The following PIGZ variants were observed in gnomAD, a reference collection of about 807,000 sequenced individuals.
The protein encoded by PIGZ is phosphatidylinositol glycan anchor biosynthesis class Z (Gwada blood group).
A neutral mutation model predicts 16.4 loss-of-function variants in PIGZ; 16 were observed. The ratio of observed to expected loss-of-function variants is 0.97; its 90% CI spans 0.66 to 1.48. The LOEUF (loss-of-function observed/expected upper bound fraction) is 1.48, where lower values mean the gene tolerates loss of function less well. Ranked by LOEUF, PIGZ falls within the 40% of genes most tolerant of loss-of-function variation. The pLI is 0.00. For missense variants in PIGZ, 770 were observed against 739.2 expected, an observed-to-expected ratio of 1.04 and a Z score of -0.48; for synonymous variants, 409 against 338.4, an observed-to-expected ratio of 1.21 and a Z score of -2.29.
At position 196,946,969 on chromosome 3, in the gene PIGZ, C is replaced by A; in HGVS notation, c.*188G>T. 1 of 535,930 alleles carries A rather than the reference C, an allele frequency of 1.9e-6. No homozygotes were observed. The highest frequency in any genetic ancestry group is 3.2e-6 in the Non-Finnish European group (1 of 310,166). 33.2% of individuals were successfully genotyped at this position (535,930 alleles called of 1,614,324 possible). On this transcript the variant is annotated 3_prime_UTR_variant, in exon 3 of 3. Coordinates refer to ENST00000412723, the MANE Select transcript of PIGZ (RefSeq NM_025163.4). ...AAGACCGACAGGTCAAATCTTTGGT[C>A]TCAGGGAGAAGAGTGCCAGCTCACC... is the stretch of plus-strand genomic sequence containing the variant.
chr3:196,956,808 T>C (rs901704089), intron 1 of PIGZ, among the ~76,000 whole-genome samples: 9 of 152,216 alleles, frequency 5.9e-5, no homozygotes, highest in African/African-American at 1.9e-4. Flanking sequence ...TTGATTTTTT[T>C]CCACATCTGC....
At chr3:196,967,534 C>T (rs896887591) in intron 1 of PIGZ, among the ~76,000 whole-genome samples, 2 of 152,230 alleles carry the variant, frequency 1.3e-5, no homozygotes, top group Admixed American at 6.5e-5. Context: ...AAGGCTGCTT[C>T]TCCCGCCCTC....
At chr3:196,966,618 G>A (rs1717936431) in intron 1 of PIGZ, among the ~76,000 whole-genome samples, 1 of 152,244 alleles carries the variant, frequency 6.6e-6, no homozygotes, top group Non-Finnish European at 1.5e-5. Flanking sequence ...TGACAACGTA[G>A]TGGGGCATCG....
At chr3:196,949,747 G>A (rs769602100) in intron 2 of PIGZ, among the ~76,000 whole-genome samples, 34 of 152,268 alleles carry the variant, frequency 2.2e-4, no homozygotes, top group Non-Finnish European at 3.8e-4. Flanking sequence ...AGATGAGGTG[G>A]CAGTGTGTCC....
intron 1 of PIGZ, among the ~76,000 whole-genome samples, chr3:196,961,563 C>T (rs970326672): frequency 6.6e-6 from 1 of 152,008 alleles, no homozygotes; most frequent in Non-Finnish European, 1.5e-5. Context: ...GGCAACACAG[C>T]GAGACCCCCA....
rs1219837448 is a variant in PIGZ at position 196,964,211 on chromosome 3, G to A, written c.-1+4476C>T. Among the ~76,000 whole-genome samples, 13 of 151,602 alleles carry A rather than the reference G, an allele frequency of 8.6e-5. No individual in the cohort carries two copies. The South Asian group carries it at 1.7e-3, about 19-fold the overall frequency. On this transcript the variant is annotated intron_variant, in intron 1 of 2. Transcript: ENST00000412723. ...GACTACAGGCGACTGCCACCAGGCC[G>A]GCTAATTTTTTGCATTTTTAGTAGA...
chr3:196,966,155 C>T (rs1560192026), intron 1 of PIGZ, among the ~76,000 whole-genome samples: 1 of 152,336 alleles, frequency 6.6e-6, no homozygotes, highest in South Asian at 2.1e-4. Flanking sequence ...TTGGCTCACA[C>T]GGTTTCACTT....
intron 1 of PIGZ, among the ~76,000 whole-genome samples, chr3:196,957,602 G>T (rs58781263): frequency 6.6e-6 from 1 of 152,094 alleles, no homozygotes; most frequent in African/African-American, 2.4e-5. Flanking sequence ...GGCTGGTCTC[G>T]AACTCCTGAC....
chr3:196,947,084 C>T lies in PIGZ; in HGVS notation c.*73G>A. The T allele has an allele frequency of 1.4e-6, 2 of 1,405,564 alleles. No individual in the cohort carries two copies. The highest frequency in any genetic ancestry group is 2.0e-4 in the Middle Eastern group (1 of 5,118). 87.1% of individuals were successfully genotyped at this position (1,405,564 alleles called of 1,614,324 possible). A position where few individuals can be genotyped will look rare whatever the true frequency, so the allele number is the denominator to read the frequency against. On this transcript the variant is annotated 3_prime_UTR_variant, in exon 3 of 3. Transcript: ENST00000412723. ...GGGGTCCTGTCCCAGCGTCCCAGCC[C>T]AGCTACCCAAGTAGAAGGTGGGGCG... is the stretch of plus-strand genomic sequence containing the variant.
Position 196,965,061 on chromosome 3 carries a change from C to T in PIGZ, c.-1+3626G>A, listed in dbSNP as rs547685221. Among the ~76,000 whole-genome samples, 62 of 152,308 alleles carry T rather than the reference C, an allele frequency of 4.1e-4. No individual in the cohort carries two copies. The highest frequency in any genetic ancestry group is 1.4e-3 in the African/African-American group (58 of 41,560). ...ACTCATCACCTTCCCTGGAATGAGC[C>T]CTGTCCCCATGCTCCCTACAGCAAT... is the stretch of plus-strand genomic sequence containing the variant. On this transcript the variant is annotated intron_variant, in intron 1 of 2. Transcript: ENST00000412723. This position sits in a 1 kb window ranked among gnomAD's most constrained non-coding sequence, Gnocchi z 4.2.
rs1055816151 is a variant in PIGZ, at chr3:196,956,447, G to A, written c.1-4416C>T. On this transcript the variant is annotated intron_variant, in intron 1 of 2. Coordinates refer to ENST00000412723, the MANE Select transcript of PIGZ (RefSeq NM_025163.4). ...TCCCCTTATAAAACCATCAGATCTC[G>A]TGAGACCTATTCACTACCACAAGAA... Among the ~76,000 whole-genome samples the A allele has an allele frequency of 1.2e-4, 19 of 152,184 alleles. 1 individual carries two copies. The highest frequency in any genetic ancestry group is 1.7e-4 in the African/African-American group (7 of 41,440).
chr3:196,947,450 C>T lies in PIGZ; in HGVS notation c.1447G>A (p.Glu483Lys). 6.2e-7 allele frequency: 1 copy of T among 1,613,688 alleles called. No individual in the cohort carries two copies. The highest frequency in any genetic ancestry group is 8.5e-7 in the Non-Finnish European group (1 of 1,179,996). The change falls in exon 3 of 3, where the codon GAG (glutamate) becomes AAG (lysine). Residue 483 changes from glutamate (E) to lysine (K), a missense_variant. By Grantham distance (56) the Glu-to-Lys change is moderately conservative (BLOSUM62 1). Transcript: ENST00000412723. ...TCAGTCCCCCCCATGTCCACCACCT[C>T]CACTGGTGCCCCCAGGCCTGGGAGG... ...LHLPGLGAPV[E>K]VVDMGGTEDW... is the part of the protein sequence containing the mutation.
chr3:196,954,468 TCAC>T (rs1021609124), intron 1 of PIGZ, among the ~76,000 whole-genome samples: 1 of 152,234 alleles, frequency 6.6e-6, no homozygotes, highest in South Asian at 2.1e-4. Flanking sequence ...TTTATAATCG[TCAC>T]CAGAATTGTG....
At chr3:196,952,061 C>T (rs775373097) in intron 1 of PIGZ, 30 bp from the exon 2 acceptor site, 12 of 1,580,770 alleles carry the variant, frequency 7.6e-6, no homozygotes, top group South Asian at 3.4e-5. Flanking sequence ...TTGGTTATCA[C>T]GATGTAAATT....
chr3:196,963,299 C>T (rs1280801722), intron 1 of PIGZ, among the ~76,000 whole-genome samples: 1 of 152,200 alleles, frequency 6.6e-6, no homozygotes, highest in Non-Finnish European at 1.5e-5. Flanking sequence ...CATATGTCTT[C>T]ATTTCTCTTG....
chr3:196,961,055 C>G (rs904616731), intron 1 of PIGZ, among the ~76,000 whole-genome samples: 1 of 152,208 alleles, frequency 6.6e-6, no homozygotes, highest in African/African-American at 2.4e-5. Context: ...CTGTTTCCTT[C>G]TAGCGAGTAA....
At chr3:196,952,743 G>C (rs1424279824) in intron 1 of PIGZ, among the ~76,000 whole-genome samples, 1 of 152,164 alleles carries the variant, frequency 6.6e-6, no homozygotes, top group Non-Finnish European at 1.5e-5. Context: ...GCTAAGATTA[G>C]CCTTTGAATT....
Position 196,950,075 on chromosome 3 carries a change from T to A in PIGZ, c.212-1390A>T, listed in dbSNP as rs559021727. On this transcript the variant is annotated intron_variant, in intron 2 of 2. Coordinates refer to ENST00000412723, the MANE Select transcript of PIGZ (RefSeq NM_025163.4). Reference sequence around the variant, plus strand: ...ATCTTGGCTCACTGCAACCTCTGCCTCTGGGGTTCAAGTGATTCTCCTGCC... The same window carrying A: ...ATCTTGGCTCACTGCAACCTCTGCCACTGGGGTTCAAGTGATTCTCCTGCC... Among the ~76,000 whole-genome samples the A allele has an allele frequency of 6.6e-5, 10 of 152,196 alleles. No homozygotes were observed. The South Asian group carries it at 2.1e-3, about 32-fold the overall frequency.
intron 1 of PIGZ, among the ~76,000 whole-genome samples, chr3:196,953,487 C>G (rs771414887): frequency 6.6e-6 from 1 of 152,190 alleles, no homozygotes; most frequent in Non-Finnish European, 1.5e-5. Context: ...TGATGAGAAT[C>G]CTAACTCCCT....
Sources: allele counts gnomAD v4.1 joint callset (sites outside exome capture counted in the v4.1 genomes callset), GRCh38; gene constraint gnomAD v4.1.1; non-coding constraint Gnocchi (gnomAD v3.1); transcripts MANE v1.5; gene names NCBI Gene and HGNC (gene_info 2026-07-23, HGNC 2026-07-21).